MAPK4: variants seen among roughly 807,000 people sequenced by gnomAD.
MAPK4 encodes the protein mitogen-activated protein kinase 4.
A neutral mutation model predicts 47.7 loss-of-function variants in MAPK4; 22 were observed. The observed-to-expected ratio is 0.46, with a 90% confidence interval of 0.33 to 0.66. MAPK4 has a LOEUF of 0.66. MAPK4 is among the 30% of genes least tolerant of loss of function. The probability of loss-of-function intolerance (pLI) is 0.02; values close to 1 mark genes in which losing one functional copy is unlikely to be tolerated. For missense variants in MAPK4, 736 were observed against 831.7 expected, an observed-to-expected ratio of 0.88 and a Z score of 1.42; for synonymous variants, 390 against 365.7, an observed-to-expected ratio of 1.07 and a Z score of -0.76.
At chr18:50,640,899 G>A (rs1010698884) in intron 1 of MAPK4, among the ~76,000 whole-genome samples, 1 of 152,198 alleles carries the variant, frequency 6.6e-6, no homozygotes, top group African/African-American at 2.4e-5. Context: ...ACTGGAGCGG[G>A]CTTCCATGAA....
chr18:50,611,540 C>G (rs1398264765), intron 1 of MAPK4, among the ~76,000 whole-genome samples: 1 of 152,204 alleles, frequency 6.6e-6, no homozygotes, highest in Admixed American at 6.5e-5. Flanking sequence ...TAGAAGGTGT[C>G]GCTGAGCTCC....
intron 1 of MAPK4, among the ~76,000 whole-genome samples, chr18:50,588,514 C>A (rs1261200975): frequency 6.6e-6 from 1 of 152,018 alleles, no homozygotes; most frequent in Non-Finnish European, 1.5e-5. Context: ...ATTAACAAGA[C>A]CAGCCCAGAT....
At chr18:50,607,842 C>T (rs897959452) in intron 1 of MAPK4, among the ~76,000 whole-genome samples, 6 of 152,214 alleles carry the variant, frequency 3.9e-5, no homozygotes, top group African/African-American at 1.2e-4. Flanking sequence ...TGACTGTCAT[C>T]TCTGATGGGT....
chr18:50,576,538 T>G (rs1286637153), intron 1 of MAPK4, among the ~76,000 whole-genome samples: 1 of 152,220 alleles, frequency 6.6e-6, no homozygotes, highest in South Asian at 2.1e-4. Flanking sequence ...TCAGGTTCTA[T>G]GCTTATTATG....
chr18:50,657,318 T>C (rs1266841724), intron 1 of MAPK4, among the ~76,000 whole-genome samples: 1 of 152,314 alleles, frequency 6.6e-6, no homozygotes, highest in Admixed American at 6.5e-5. Flanking sequence ...CATCACCTCC[T>C]GGGACTCCGG....
chr18:50,560,053 G>T (rs887202028), upstream of MAPK4: 3 of 148,026 alleles, frequency 2.0e-5, no homozygotes, highest in East Asian at 2.0e-4. Context: ...AGGCGGCGGC[G>T]GCGCAGGCTG....
chr18:50,724,952 C>CT (rs1911114446), intron 4 of MAPK4, among the ~76,000 whole-genome samples: 1 of 152,248 alleles, frequency 6.6e-6, no homozygotes, highest in Non-Finnish European at 1.5e-5. Flanking sequence ...TAGGCTAGTC[C>CT]TTGCGCTGAG....
chr18:50,648,859 C>G (rs150249709), intron 1 of MAPK4, among the ~76,000 whole-genome samples: 2 of 152,158 alleles, frequency 1.3e-5, no homozygotes, highest in African/African-American at 4.8e-5. Context: ...GCAAGACTGT[C>G]CCAGGCCTTA....
intron 1 of MAPK4, among the ~76,000 whole-genome samples, chr18:50,597,619 G>T (rs1360310892): frequency 1.3e-5 from 2 of 152,308 alleles, no homozygotes; most frequent in African/African-American, 4.8e-5. Flanking sequence ...CCCTTGAGTT[G>T]CTGTAAGTGG....
In MAPK4 at chr18:50,731,582, G is replaced by A. The variant is rs1177824043; in HGVS notation, c.*1728G>A. On this transcript the variant is annotated 3_prime_UTR_variant, in exon 6 of 6. Transcript: ENST00000400384. ...TTTTAAATGGAAAATATGTAAATAG[G>A]AAGTGTTTGGGTTTTGTTTTTTCTT... The A allele has an allele frequency of 6.6e-6, 1 of 152,444 alleles. No homozygotes were observed. Among genetic ancestry groups the A allele is most frequent in the Non-Finnish European group, 1.5e-5 (1 of 68,034 alleles). 9.4% of individuals were successfully genotyped at this position (152,444 alleles called of 1,614,324 possible). A position where few individuals can be genotyped will look rare whatever the true frequency, so the allele number is the denominator to read the frequency against.
chr18:50,577,401 C>G (rs1468282232), intron 1 of MAPK4, among the ~76,000 whole-genome samples: 1 of 152,152 alleles, frequency 6.6e-6, no homozygotes, highest in African/African-American at 2.4e-5. Context: ...AAATTAGGTG[C>G]ATGTTAGAAT....
At chr18:50,718,277 C>T (rs374927837) in intron 3 of MAPK4, among the ~76,000 whole-genome samples, 59 of 152,272 alleles carry the variant, frequency 3.9e-4, no homozygotes, top group African/African-American at 1.3e-3. Flanking sequence ...TGGAGTGCAA[C>T]GGCATGATCT....
intron 1 of MAPK4, among the ~76,000 whole-genome samples, chr18:50,606,369 T>C (rs1747401478): frequency 6.6e-6 from 1 of 152,146 alleles, no homozygotes; most frequent in South Asian, 2.1e-4. Context: ...TTTAATACAC[T>C]AGTGAGCAGG....
intron 1 of MAPK4, among the ~76,000 whole-genome samples, chr18:50,655,258 G>A (rs929646922): frequency 6.6e-6 from 1 of 152,166 alleles, no homozygotes; most frequent in African/African-American, 2.4e-5. Flanking sequence ...ATGGGCAGCA[G>A]AGCCTGTCAG....
At chr18:50,712,345 T>A (rs928414157) in intron 2 of MAPK4, among the ~76,000 whole-genome samples, 1 of 152,106 alleles carries the variant, frequency 6.6e-6, no homozygotes, top group Non-Finnish European at 1.5e-5. Flanking sequence ...GAGGGTCCCG[T>A]GAGCCTGGGA....
rs80044493 is a variant in MAPK4 at position 50,585,515 on chromosome 18, G to A, written c.-871+25272G>A. Among the ~76,000 whole-genome samples, 1,387 of 152,234 alleles carry A rather than the reference G, an allele frequency of 9.1e-3. 20 individuals are homozygous for A. Among genetic ancestry groups the A allele is most frequent in the African/African-American group, 0.031 (1,289 of 41,528 alleles). ...ATGTCTGGTTTTTTCTACAGAGAAT[G>A]TTAAAGTTGCATGCACCTGCAAGTC... On this transcript the variant is annotated intron_variant, in intron 1 of 5. Coordinates refer to ENST00000400384, the MANE Select transcript of MAPK4 (RefSeq NM_002747.4).
At chr18:50,622,923 T>C (rs2042745205) in intron 1 of MAPK4, among the ~76,000 whole-genome samples, 1 of 152,246 alleles carries the variant, frequency 6.6e-6, no homozygotes, top group Admixed American at 6.5e-5. Context: ...TACAGTCAGA[T>C]ACATAGTCTC....
At chr18:50,590,084 A>G (rs1343533218) in intron 1 of MAPK4, among the ~76,000 whole-genome samples, 2 of 152,208 alleles carry the variant, frequency 1.3e-5, no homozygotes, top group Non-Finnish European at 2.9e-5. Context: ...GCAAATCCAG[A>G]TCCAGTTCCT....
rs147734310 is a variant in MAPK4, at chr18:50,726,903, T to C, written c.1067+728T>C. ...ACGGGGGCTACATTATTATTGCCCATTGACACACAAGGAAGCTTCAGCTGC... is the reference window on the plus strand; with the variant it reads ...ACGGGGGCTACATTATTATTGCCCACTGACACACAAGGAAGCTTCAGCTGC... On this transcript the variant is annotated intron_variant, in intron 5 of 5. Transcript: ENST00000400384. Among the ~76,000 whole-genome samples, 221 of 151,890 alleles carry C rather than the reference T, an allele frequency of 1.5e-3. 2 individuals are homozygous for C. Among genetic ancestry groups the C allele is most frequent in the African/African-American group, 4.9e-3 (201 of 41,386 alleles).
Sources: allele counts gnomAD v4.1 joint callset (sites outside exome capture counted in the v4.1 genomes callset), GRCh38; gene constraint gnomAD v4.1.1; transcripts MANE v1.5; gene names NCBI Gene and HGNC (gene_info 2026-07-23, HGNC 2026-07-21).